Variants in GAB1 observed in about 807,000 individuals in gnomAD.
GAB1 encodes GRB2 associated binding protein 1, also known as GRB2-associated-binding protein 1.
Under a neutral mutation model 66.5 loss-of-function variants are expected in GAB1, and 19 were observed. The observed-to-expected ratio is 0.29, with a 90% CI of 0.20 to 0.42. The LOEUF (loss-of-function observed/expected upper bound fraction) is 0.42, where lower values mean the gene tolerates loss of function less well. Among genes scored for constraint, GAB1 ranks in the 10% least tolerant of loss-of-function variants. The probability of loss-of-function intolerance (pLI) is 1.00; values close to 1 mark genes in which losing one functional copy is unlikely to be tolerated. For synonymous variants in GAB1, 294 were observed against 301.4 expected (o/e 0.98, Z 0.25); for missense variants, 732 against 858.5 (o/e 0.85, Z 1.84).
chr4:143,345,546 T>TTTGAC (rs1271140184), intron 1 of GAB1, among the ~76,000 whole-genome samples: 2 of 152,222 alleles, frequency 1.3e-5, no homozygotes, highest in Admixed American at 1.3e-4. Flanking sequence ...TTTCTTTTGG[T>TTTGAC]TTGACTCATG....
chr4:143,417,747 CTG>C (rs1360086599), intron 2 of GAB1, among the ~76,000 whole-genome samples: 1 of 152,150 alleles, frequency 6.6e-6, no homozygotes, highest in Non-Finnish European at 1.5e-5. Flanking sequence ...CTTCTTCTCT[CTG>C]CTCTTCCTTT....
intron 9 of GAB1, among the ~76,000 whole-genome samples, chr4:143,467,375 T>C (rs1451731997): frequency 6.6e-6 from 1 of 152,232 alleles, no homozygotes; most frequent in African/African-American, 2.4e-5. Flanking sequence ...TTTTTATTTA[T>C]CTTGCTTAGA....
chr4:143,341,492 A>G (rs1728821740), intron 1 of GAB1, among the ~76,000 whole-genome samples: 1 of 152,236 alleles, frequency 6.6e-6, no homozygotes, highest in African/African-American at 2.4e-5. Context: ...TCCATAGCCC[A>G]GCTGTCAGCA....
chr4:143,460,565 T>C, intron 8 of GAB1, 78 bp downstream of exon 8: 1 of 1,317,070 alleles, frequency 7.6e-7, no homozygotes, highest in Non-Finnish European at 1.1e-6. Flanking sequence ...GTCTATAAAT[T>C]TTATCCTCGT....
At chr4:143,444,410 C>T (rs997374991) in intron 6 of GAB1, among the ~76,000 whole-genome samples, 1 of 152,084 alleles carries the variant, frequency 6.6e-6, no homozygotes, top group Non-Finnish European at 1.5e-5. Flanking sequence ...TGTTTTTATA[C>T]ACCACTTTGG....
chr4:143,408,407 T>C (rs1019102398), intron 1 of GAB1, among the ~76,000 whole-genome samples: 10 of 152,220 alleles, frequency 6.6e-5, no homozygotes, highest in African/African-American at 2.4e-4. Flanking sequence ...ACTTAGTATG[T>C]GTCCTTCCAG....
chr4:143,392,724 A>G (rs1187672122), intron 1 of GAB1, among the ~76,000 whole-genome samples: 1 of 152,148 alleles, frequency 6.6e-6, no homozygotes, highest in African/African-American at 2.4e-5. Flanking sequence ...GCAACAACGA[A>G]TTTGTATTTA....
At chr4:143,450,775 CAGCTACTTGGGAGGCTAAG>C (rs1351376836) in intron 6 of GAB1, among the ~76,000 whole-genome samples, 2 of 152,000 alleles carry the variant, frequency 1.3e-5, no homozygotes, top group Non-Finnish European at 2.9e-5. Flanking sequence ...CCTGTAATCC[CAGCTACTTGGGAGGCTAAG>C]ACAGGAGAAT....
chr4:143,438,504 T>G lies in GAB1; in HGVS notation c.1099T>G (p.Ser367Ala). 1 of 1,614,004 alleles carries G rather than the reference T, an allele frequency of 6.2e-7. No individual in the cohort carries two copies. Among genetic ancestry groups the G allele is most frequent in the Non-Finnish European group, 8.5e-7 (1 of 1,179,968 alleles). Residue 367 changes from serine to alanine, a missense_variant, in exon 4 of 10, where the codon TCA (serine) becomes GCA (alanine). Physicochemically the swap from Ser to Ala is moderately conservative, Grantham distance 99 (BLOSUM62 1). Coordinates refer to ENST00000262994, the MANE Select transcript of GAB1 (RefSeq NM_002039.4). Reference protein sequence around the residue: ...VETCSIPRTASDTDSSYCIPT... With the variant: ...VETCSIPRTAADTDSSYCIPT... ...AACGTGTAGTATCCCACGCACCGCCTCAGACACTGACAGTAGTTACTGTAT... is the reference window on the plus strand; with the variant it reads ...AACGTGTAGTATCCCACGCACCGCCGCAGACACTGACAGTAGTTACTGTAT...
rs1459713258 is a variant in GAB1, at chr4:143,392,094, G to A, written c.73-23383G>A. On this transcript the variant is annotated intron_variant, in intron 1 of 9. Coordinates refer to ENST00000262994, the MANE Select transcript of GAB1 (RefSeq NM_002039.4). ...AAGTAATGCTCAGATGTTTGATAAC[G>A]GAGTGATCTTAAAGAGGAGGCATCT... Among the ~76,000 whole-genome samples, 5 of 152,232 alleles carry A rather than the reference G, an allele frequency of 3.3e-5. No individual in the cohort carries two copies. In the East Asian group the frequency reaches 7.7e-4, roughly 23 times the overall value.
chr4:143,418,590 G>C (rs1286050799), intron 2 of GAB1, among the ~76,000 whole-genome samples: 2 of 151,978 alleles, frequency 1.3e-5, no homozygotes, highest in African/African-American at 4.8e-5. Flanking sequence ...AATTTGTTTG[G>C]GGGGACATAA....
intron 1 of GAB1, among the ~76,000 whole-genome samples, chr4:143,389,707 A>G (rs1039430991): frequency 6.6e-5 from 10 of 152,340 alleles, no homozygotes; most frequent in African/African-American, 2.4e-4. Flanking sequence ...TTCCATATCC[A>G]GTGTCTAGCA....
At chr4:143,338,755 A>G (rs930687339) in intron 1 of GAB1, among the ~76,000 whole-genome samples, 1 of 142,270 alleles carries the variant, frequency 7.0e-6, no homozygotes, top group African/African-American at 2.7e-5. Context: ...GAAGGGAGAA[A>G]GGGGTAGGGA....
At chr4:143,360,956 T>TA (rs1175661384) in intron 1 of GAB1, among the ~76,000 whole-genome samples, 4 of 152,208 alleles carry the variant, frequency 2.6e-5, no homozygotes, top group Admixed American at 6.5e-5. Context: ...TTTCAAAACT[T>TA]ACATTTTTTA....
At chr4:143,391,166 A>G (rs1302873665) in intron 1 of GAB1, among the ~76,000 whole-genome samples, 2 of 152,222 alleles carry the variant, frequency 1.3e-5, no homozygotes, top group Non-Finnish European at 2.9e-5. Flanking sequence ...ACCATTATGT[A>G]TTTATTTAAA....
At chr4:143,361,434 A>G (rs1729658506) in intron 1 of GAB1, among the ~76,000 whole-genome samples, 2 of 152,198 alleles carry the variant, frequency 1.3e-5, no homozygotes, top group South Asian at 2.1e-4. Flanking sequence ...ACCAAAGGCA[A>G]TGAAATGTTA....
At chr4:143,383,088 G>T (rs1235168671) in intron 1 of GAB1, among the ~76,000 whole-genome samples, 1 of 152,150 alleles carries the variant, frequency 6.6e-6, no homozygotes, top group Non-Finnish European at 1.5e-5. Flanking sequence ...CTTCCATAAT[G>T]ATATGTCACA....
chr4:143,409,392 C>G lies in GAB1; in HGVS notation c.73-6085C>G, dbSNP rs188274131. Among the ~76,000 whole-genome samples the G allele has an allele frequency of 9.4e-5, 14 of 149,532 alleles. 1 individual carries two copies. The highest frequency in any genetic ancestry group is 4.0e-4 in the East Asian group (2 of 5,062). ...CAATAACAACTTTGAACTTTCCCCCCCCCCGCTCTGAAATCTTTTCATTTA... is the reference window on the plus strand; with the variant it reads ...CAATAACAACTTTGAACTTTCCCCCGCCCCGCTCTGAAATCTTTTCATTTA... On this transcript the variant is annotated intron_variant, in intron 1 of 9. Coordinates refer to ENST00000262994, the MANE Select transcript of GAB1 (RefSeq NM_002039.4).
intron 1 of GAB1, among the ~76,000 whole-genome samples, chr4:143,351,268 TTTA>T (rs757241687): frequency 5.5e-4 from 83 of 152,194 alleles, no homozygotes; most frequent in Admixed American, 3.2e-3. Flanking sequence ...AGTGCAAGGT[TTTA>T]TTGAGTAGAA....
Sources: allele counts gnomAD v4.1 joint callset (sites outside exome capture counted in the v4.1 genomes callset), GRCh38; gene constraint gnomAD v4.1.1; transcripts MANE v1.5; gene names NCBI Gene and HGNC (gene_info 2026-07-23, HGNC 2026-07-21).